Variants in MOGS observed in about 807,000 individuals in gnomAD.
The protein encoded by MOGS is mannosyl-oligosaccharide glucosidase, also known as epididymis secretory sperm binding protein.
In MOGS, 45 loss-of-function variants were observed where a neutral mutation model predicts 68.5. The observed-to-expected ratio is 0.66, with a 90% CI of 0.52 to 0.84. The LOEUF is 0.84. Ranked by LOEUF, MOGS falls within the 40% of genes least tolerant of loss-of-function variation. The pLI is 0.00. For missense variants in MOGS, 1,020 were observed against 1,095.0 expected (o/e 0.93, Z 0.97); for synonymous variants, 492 against 461.2 (o/e 1.07, Z -0.86).
chr2:74,465,238 C>T lies in MOGS; in HGVS notation c.10G>A (p.Gly4Ser). The T allele has an allele frequency of 2.1e-6, 3 of 1,442,716 alleles. No homozygotes were observed. The highest frequency in any genetic ancestry group is 2.7e-6 in the Non-Finnish European group (3 of 1,113,830). 89.4% of individuals were successfully genotyped at this position (1,442,716 alleles called of 1,614,324 possible). A position where few individuals can be genotyped will look rare whatever the true frequency, so the allele number is the denominator to read the frequency against. Residue 4 changes from glycine to serine, a missense_variant, in exon 1 of 4, where the codon GGC becomes AGC. Gly to Ser is a moderately conservative substitution (Grantham distance 56, BLOSUM62 0). This residue lies in a region of MOGS where 569 missense variants were observed against 571.9 expected (regional missense o/e 0.99). Transcript: ENST00000448666. ...GGCACTGCGCGGCGCCGCCGCTCGCCCCGAGCCATCCTGGCACTGAGGTCC... is the reference window on the plus strand; with the variant it reads ...GGCACTGCGCGGCGCCGCCGCTCGCTCCGAGCCATCCTGGCACTGAGGTCC... MAR[G>S]ERRRRAVPAE...
At position 74,461,480 on chromosome 2, in the gene MOGS, C is replaced by A; in HGVS notation, c.2309G>T (p.Gly770Val). Residue 770 changes from glycine (G) to valine (V), a missense_variant, in exon 4 of 4, where the codon GGG (glycine) becomes GTG (valine). Coordinates refer to ENST00000448666, the MANE Select transcript of MOGS (RefSeq NM_006302.3). ...AGCCTGGTGAGGACCCTCCAGATGCCCATAGTGGTGGAGTGCTCCCAAAGC... is the reference window on the plus strand; with the variant it reads ...AGCCTGGTGAGGACCCTCCAGATGCACATAGTGGTGGAGTGCTCCCAAAGC... ...YLALGALHHY[G>V]HLEGPHQARA... The A allele has an allele frequency of 6.2e-7, 1 of 1,614,146 alleles. No homozygotes were observed. Among genetic ancestry groups the A allele is most frequent in the Non-Finnish European group, 8.5e-7 (1 of 1,180,032 alleles).
In MOGS at chr2:74,463,308, C is replaced by T. The variant is rs765470138; in HGVS notation, c.658G>A (p.Glu220Lys). The T allele has an allele frequency of 6.8e-6, 11 of 1,614,088 alleles. No individual in the cohort carries two copies. In the East Asian group the frequency reaches 2.4e-4, roughly 36 times the overall value. ...VTDGKEVLLP[E>K]VGAKGQLKFI... Reference sequence around the variant, plus strand: ...TTCAACTGCCCCTTGGCCCCAACCTCTGGTAGTAGGACTTCCTTGCCATCT... The same window carrying T: ...TTCAACTGCCCCTTGGCCCCAACCTTTGGTAGTAGGACTTCCTTGCCATCT... Residue 220 changes from glutamate to lysine, a missense_variant, in exon 3 of 4, where the codon GAG (glutamate) becomes AAG (lysine). By Grantham distance (56) the Glu-to-Lys change is moderately conservative. Transcript: ENST00000448666.
intron 3 of MOGS, 73 bp downstream of exon 3, chr2:74,463,117 A>G: frequency 6.2e-7 from 1 of 1,610,210 alleles, no homozygotes; most frequent in Non-Finnish European, 8.5e-7. Context: ...GGTCTCAGGC[A>G]GGGGACATGG....
Position 74,461,229 on chromosome 2 carries a change from G to C in MOGS, c.*46C>G. The C allele has an allele frequency of 1.2e-6, 2 of 1,610,770 alleles. No individual in the cohort carries two copies. Among genetic ancestry groups the C allele is most frequent in the Non-Finnish European group, 1.7e-6 (2 of 1,179,074 alleles). On this transcript the variant is annotated 3_prime_UTR_variant, in exon 4 of 4. Coordinates refer to ENST00000448666, the MANE Select transcript of MOGS (RefSeq NM_006302.3). ...AAAGCCAGAAGCCTTTGTCCCTTCAGAGCCAGAGTGGCATGAGTGTCTTGG... is the reference window on the plus strand; with the variant it reads ...AAAGCCAGAAGCCTTTGTCCCTTCACAGCCAGAGTGGCATGAGTGTCTTGG...
chr2:74,461,246 G>A lies in MOGS; in HGVS notation c.*29C>T, dbSNP rs1483636609. On this transcript the variant is annotated 3_prime_UTR_variant, in exon 4 of 4. Coordinates refer to ENST00000448666, the MANE Select transcript of MOGS (RefSeq NM_006302.3). ...TCCCTTCAGAGCCAGAGTGGCATGA[G>A]TGTCTTGGCTCCCCTCCTCTCCCTC... is the stretch of plus-strand genomic sequence containing the variant. The A allele has an allele frequency of 6.2e-7, 1 of 1,613,016 alleles. No individual in the cohort carries two copies. The highest frequency in any genetic ancestry group is 1.3e-5 in the African/African-American group (1 of 75,024).
In MOGS at chr2:74,462,171, G is replaced by A. The variant is rs958580474; in HGVS notation, c.1618C>T (p.Arg540Cys). 18 of 1,614,006 alleles carry A rather than the reference G, an allele frequency of 1.1e-5. No homozygotes were observed. Among genetic ancestry groups the A allele is most frequent in the South Asian group, 5.5e-5 (5 of 91,094 alleles). The stretch of plus-strand genomic sequence containing the variant: ...AGCCAGGAAAACCAGGCATGCAGGC[G>A]GGGCAAGGCCTTTCGGAGGAAAGCC... ...DLAFLRKALP[R>C]LHAWFSWLHQ... The change falls in exon 4 of 4, where the codon CGC becomes TGC. Residue 540 changes from arginine (R) to cysteine (C), a missense_variant. Arg to Cys is a radical substitution (Grantham distance 180, BLOSUM62 -3). Coordinates refer to ENST00000448666, the MANE Select transcript of MOGS (RefSeq NM_006302.3).
chr2:74,465,164 C>A lies in MOGS; in HGVS notation c.84G>T (p.Gly28=), dbSNP rs1191139893. 1 of 1,530,712 alleles carries A rather than the reference C, an allele frequency of 6.5e-7. No individual in the cohort carries two copies. Among genetic ancestry groups the A allele is most frequent in the Non-Finnish European group, 8.7e-7 (1 of 1,145,308 alleles). 94.8% of individuals were successfully genotyped at this position (1,530,712 alleles called of 1,614,324 possible). ...TAERAARGGP[G]RRDGRGGGPR... is the part of the protein sequence containing the mutation. ...GCCCGCCGCCCCGGCCGTCCCGTCG[C>A]CCGGGGCCTCCCCGAGCCGCCCTCT... Residue 28 remains glycine (G), a synonymous_variant, in exon 1 of 4, where the codon GGG becomes GGT. Transcript: ENST00000448666.
Position 74,461,658 on chromosome 2 carries a change from G to A in MOGS, c.2131C>T (p.Pro711Ser), listed in dbSNP as rs1205231695. The change falls in exon 4 of 4, where the codon CCC becomes TCC. Residue 711 changes from proline (P) to serine (S), a missense_variant. Pro to Ser is a moderately conservative substitution (Grantham distance 74, BLOSUM62 -1). Transcript: ENST00000448666. ...LLDPTSSRLG[P>S]LLDILADSRH... The stretch of plus-strand genomic sequence containing the variant: ...CTGTCGGCTAGAATGTCCAGCAGGG[G>A]CCCAAGGCGGGATGAGGTGGGGTCC... 2 of 1,614,184 alleles carry A rather than the reference G, an allele frequency of 1.2e-6. No individual in the cohort carries two copies. Among genetic ancestry groups the A allele is most frequent in the Non-Finnish European group, 1.7e-6 (2 of 1,180,030 alleles).
chr2:74,463,101 T>C (rs1671975052), intron 3 of MOGS, 89 bp from the exon 4 acceptor site: 2 of 1,609,040 alleles, frequency 1.2e-6, no homozygotes, highest in South Asian at 1.1e-5. Context: ...AGGAGTCAGG[T>C]TGGGAGGTCT....
Position 74,461,922 on chromosome 2 carries a change from C to T in MOGS, c.1867G>A (p.Val623Ile). 1 of 1,614,146 alleles carries T rather than the reference C, an allele frequency of 6.2e-7. No homozygotes were observed. Among genetic ancestry groups the T allele is most frequent in the Non-Finnish European group, 8.5e-7 (1 of 1,180,028 alleles). Reference sequence around the variant, plus strand: ...GCCAGTGGGCCCAGCTCAGCAGCTACCTCAGCCTCACCCAGATGCTCTGCC... The same window carrying T: ...GCCAGTGGGCCCAGCTCAGCAGCTATCTCAGCCTCACCCAGATGCTCTGCC... ...RLAEHLGEAE[V>I]AAELGPLAAS... Residue 623 changes from valine to isoleucine, a missense_variant, in exon 4 of 4, where the codon GTA (valine) becomes ATA (isoleucine). Around this residue, in one of 3 missense-constraint regions of MOGS, gnomAD observed 181 missense variants for 261.8 expected, o/e 0.69. Transcript: ENST00000448666.
rs751485436 is a variant in MOGS, at chr2:74,462,604, G to C, written c.1185C>G (p.Leu395=). 6.2e-7 allele frequency: 1 copy of C among 1,614,162 alleles called. No individual in the cohort carries two copies. Among genetic ancestry groups the C allele is most frequent in the South Asian group, 1.1e-5 (1 of 91,090 alleles). Residue 395 remains leucine, a synonymous_variant, in exon 4 of 4, where the codon CTC becomes CTG. Coordinates refer to ENST00000448666, the MANE Select transcript of MOGS (RefSeq NM_006302.3). ...AGCCAATTCCACCAAGGAGGCCGCT[G>C]AGGGCAGCCTGACCCAAAACCTGCT... The part of the protein sequence containing the change: ...SGEQVLGQAA[L]SGLLGGIGYF...
At chr2:74,463,487 C>T in intron 2 of MOGS, 101 bp from the exon 3 acceptor site, 1 of 1,260,712 alleles carries the variant, frequency 7.9e-7, no homozygotes, top group Non-Finnish European at 1.1e-6. Flanking sequence ...GAACAGTAGG[C>T]AGGGGTAATG....
chr2:74,465,018 G>C lies in MOGS; in HGVS notation c.230C>G (p.Ala77Gly). The C allele has an allele frequency of 6.4e-7, 1 of 1,553,894 alleles. No individual in the cohort carries two copies. The highest frequency in any genetic ancestry group is 8.7e-7 in the Non-Finnish European group (1 of 1,149,016). ...RARRAVTLHS[A>G]PPVLPADSSS... ...GGAGTCGGCAGGCAACACAGGAGGC[G>C]CGGAGTGCAGCGTGACCGCCCGCCG... is the stretch of plus-strand genomic sequence containing the variant. The change falls in exon 1 of 4, where the codon GCG becomes GGG. Residue 77 changes from alanine (A) to glycine (G), a missense_variant. Physicochemically the swap from Ala to Gly is moderately conservative, Grantham distance 60. Transcript: ENST00000448666.
At position 74,461,449 on chromosome 2, in the gene MOGS, A is replaced by C; in HGVS notation, c.2340T>G (p.Ala780=). The C allele has an allele frequency of 6.2e-7, 1 of 1,614,214 alleles. No individual in the cohort carries two copies. The highest frequency in any genetic ancestry group is 8.5e-7 in the Non-Finnish European group (1 of 1,180,044). ...CACGGAGCTCACCGTGGAGTTTGGC[A>C]GCCCGAGCCTGGTGAGGACCCTCCA... ...GHLEGPHQAR[A]AKLHGELRAN... is the part of the protein sequence containing the mutation. The change falls in exon 4 of 4, where the codon GCT becomes GCG. Residue 780 remains alanine, a synonymous_variant. Transcript: ENST00000448666.
At position 74,461,776 on chromosome 2, in the gene MOGS, C is replaced by A. The variant is rs1353725183; in HGVS notation, c.2013G>T (p.Gly671=). The change falls in exon 4 of 4, where the codon GGG becomes GGT. Residue 671 remains glycine, a synonymous_variant. Transcript: ENST00000448666. ...GGGGCCGACCCACCACCCGAACGAG[C>A]CCCTGAGGGGGCCTGGGCTTCAGCT... ...AVQLKPRPPQ[G]LVRVVGRPQP... 2 of 1,614,226 alleles carry A rather than the reference C, an allele frequency of 1.2e-6. No individual in the cohort carries two copies. Among genetic ancestry groups the A allele is most frequent in the Admixed American group, 1.7e-5 (1 of 60,034 alleles).
Position 74,461,290 on chromosome 2 carries a change from C to A in MOGS, c.2499G>T (p.Met833Ile), listed in dbSNP as rs765828532. Residue 833 changes from methionine (M) to isoleucine (I), a missense_variant, in exon 4 of 4, where the codon ATG becomes ATT. Physicochemically the swap from Met to Ile is conservative, Grantham distance 10 (BLOSUM62 1). Transcript: ENST00000448666. ...CTCCCTCCCTTCAGTAGTCTTCAGC[C>A]ATGGCCAGTAAGACAAGGCTGGTCC... is the stretch of plus-strand genomic sequence containing the variant. The part of the protein sequence containing the change: ...HGWTSLVLLA[M>I]AEDY 1 of 1,614,126 alleles carries A rather than the reference C, an allele frequency of 6.2e-7. No individual in the cohort carries two copies. The highest frequency in any genetic ancestry group is 8.5e-7 in the Non-Finnish European group (1 of 1,180,044).
chr2:74,461,841 C>A lies in MOGS; in HGVS notation c.1948G>T (p.Gly650Ter). The A allele has an allele frequency of 1.2e-6, 2 of 1,614,156 alleles. No homozygotes were observed. Among genetic ancestry groups the A allele is most frequent in the Non-Finnish European group, 1.7e-6 (2 of 1,180,022 alleles). Residue 650 changes from glycine (G) to a stop codon, truncating the protein, a stop_gained, in exon 4 of 4, where the codon GGA becomes TGA. Coordinates refer to ENST00000448666, the MANE Select transcript of MOGS (RefSeq NM_006302.3). LOFTEE classifies it high-confidence loss of function. ...LDELHWAPEL[G>*]VFADFGNHTK... ...TGGTTCCCAAAGTCTGCAAAGACTC[C>A]TAGCTCTGGGGCCCAGTGCAGCTCA...
rs890229570 is a variant in MOGS at position 74,461,667 on chromosome 2, G to A, written c.2122C>T (p.Arg708Cys). Reference protein sequence around the residue: ...LLRLLDPTSSRLGPLLDILAD... With the variant: ...LLRLLDPTSSCLGPLLDILAD... Reference sequence around the variant, plus strand: ...AGAATGTCCAGCAGGGGCCCAAGGCGGGATGAGGTGGGGTCCAGCAGTCGC... The same window carrying A: ...AGAATGTCCAGCAGGGGCCCAAGGCAGGATGAGGTGGGGTCCAGCAGTCGC... Residue 708 changes from arginine to cysteine, a missense_variant, in exon 4 of 4, where the codon CGC becomes TGC. Coordinates refer to ENST00000448666, the MANE Select transcript of MOGS (RefSeq NM_006302.3). 84 of 1,614,090 alleles carry A rather than the reference G, an allele frequency of 5.2e-5. 1 individual carries two copies. Among genetic ancestry groups the A allele is most frequent in the Non-Finnish European group, 6.9e-5 (82 of 1,180,048 alleles).
At position 74,462,292 on chromosome 2, in the gene MOGS, A is replaced by T; in HGVS notation, c.1497T>A (p.Pro499=). 6.2e-7 allele frequency: 1 copy of T among 1,613,818 alleles called. No homozygotes were observed. Among genetic ancestry groups the T allele is most frequent in the Non-Finnish European group, 8.5e-7 (1 of 1,180,004 alleles). Residue 499 remains proline, a synonymous_variant, in exon 4 of 4, where the codon CCT becomes CCA. Transcript: ENST00000448666. ...ILGDEARARV[P]PEFLVQRAVH... is the part of the protein sequence containing the mutation. ...CTGCTCGTTGTACTAGGAATTCTGGAGGCACCCGGGCTCGGGCCTCATCCC... is the reference window on the plus strand; with the variant it reads ...CTGCTCGTTGTACTAGGAATTCTGGTGGCACCCGGGCTCGGGCCTCATCCC...
Sources: allele counts gnomAD v4.1 joint callset, GRCh38; gene constraint gnomAD v4.1.1; regional missense constraint gnomAD v4.1.1; transcripts MANE v1.5; gene names NCBI Gene and HGNC (gene_info 2026-07-23, HGNC 2026-07-21).